Variants in TATDN3 observed in about 807,000 individuals in gnomAD.
The protein encoded by TATDN3 is deoxyribonuclease TATDN3.
Under a neutral mutation model 40.1 loss-of-function variants are expected in TATDN3, and 29 were observed. That is an observed-to-expected ratio of 0.72 (90% CI 0.54 to 0.99). The LOEUF is 0.99. Ranked by LOEUF, TATDN3 falls within the 50% of genes least tolerant of loss-of-function variation. The probability of loss-of-function intolerance (pLI) is 0.00; values close to 1 mark genes in which losing one functional copy is unlikely to be tolerated. For missense variants in TATDN3, 309 were observed against 321.9 expected (o/e 0.96, Z 0.31); for synonymous variants, 105 against 117.0 (o/e 0.90, Z 0.66).
At chr1:212,811,493 G>T (rs1662873209) in intron 8 of TATDN3, among the ~76,000 whole-genome samples, 2 of 151,584 alleles carry the variant, frequency 1.3e-5, no homozygotes, top group Non-Finnish European at 2.9e-5. Context: ...CGAACTCCTG[G>T]TCTCAAGTGA....
At chr1:212,808,617 A>T (rs925395798) in intron 8 of TATDN3, among the ~76,000 whole-genome samples, 2 of 152,228 alleles carry the variant, frequency 1.3e-5, no homozygotes. Context: ...AACTCAATAA[A>T]AAGACAAATA....
chr1:212,792,486 A>AC (rs1419396146), intron 1 of TATDN3, among the ~76,000 whole-genome samples: 1 of 150,944 alleles, frequency 6.6e-6, no homozygotes, highest in Non-Finnish European at 1.5e-5. Context: ...AAAAAAAAAA[A>AC]AAGCCGGTGA....
At chr1:212,814,899 TA>T in intron 9 of TATDN3, 113 bp from the exon 10 acceptor site, 1 of 1,237,966 alleles carries the variant, frequency 8.1e-7, no homozygotes. Context: ...AGAAAAAAAT[TA>T]AAAAGGAGCC....
rs1662249267 is a variant in TATDN3 at position 212,802,817 on chromosome 1, T to C, written c.321+54T>C. Reference sequence around the variant, plus strand: ...TTCTAATTCAGACTTCTATATGATATATGAAAATAATCTTTAGTTCAGTAT... The same window carrying C: ...TTCTAATTCAGACTTCTATATGATACATGAAAATAATCTTTAGTTCAGTAT... On this transcript the variant is annotated intron_variant, in intron 5 of 9. Transcript: ENST00000366974. 4.1e-6 allele frequency: 5 copies of C among 1,227,626 alleles called. No individual in the cohort carries two copies. In the South Asian group the frequency reaches 4.9e-5, roughly 12 times the overall value. 76.0% of individuals were successfully genotyped at this position (1,227,626 alleles called of 1,614,324 possible).
At chr1:212,800,212 A>G (rs1295568311) in intron 4 of TATDN3, among the ~76,000 whole-genome samples, 1 of 152,232 alleles carries the variant, frequency 6.6e-6, no homozygotes, top group African/African-American at 2.4e-5. Flanking sequence ...GGGATAAACC[A>G]CAATGAACTG....
intron 5 of TATDN3, 48 bp downstream of exon 5, chr1:212,802,811 A>G (rs1662249003): frequency 7.1e-6 from 9 of 1,259,060 alleles, no homozygotes; most frequent in Non-Finnish European, 8.1e-6. Flanking sequence ...AGACTTCTAT[A>G]TGATATATGA....
At chr1:212,792,411 C>T (rs752091891) in intron 1 of TATDN3, among the ~76,000 whole-genome samples, 8 of 150,634 alleles carry the variant, frequency 5.3e-5, no homozygotes, top group Non-Finnish European at 8.8e-5. Flanking sequence ...GCGGGCGCTG[C>T]GCATCTCCTG....
At chr1:212,811,353 G>A (rs1365353436) in intron 8 of TATDN3, among the ~76,000 whole-genome samples, 4 of 151,956 alleles carry the variant, frequency 2.6e-5, no homozygotes, top group South Asian at 2.1e-4. Flanking sequence ...GGCTGGTCTC[G>A]AACTTCCAAT....
chr1:212,806,835 T>TATATACACATATATAC (rs1571967394), intron 7 of TATDN3, among the ~76,000 whole-genome samples: 1 of 35,590 alleles, frequency 2.8e-5, no homozygotes, highest in African/African-American at 1.0e-4. Context: ...TACATATATA[T>TATATACACATATATAC]ACATATATAC....
chr1:212,807,473 G>C lies in TATDN3; in HGVS notation c.488-263G>C, dbSNP rs569620350. Among the ~76,000 whole-genome samples, 14 of 151,984 alleles carry C rather than the reference G, an allele frequency of 9.2e-5. No homozygotes were observed. The East Asian group carries it at 2.7e-3, about 29-fold the overall frequency. On this transcript the variant is annotated intron_variant, in intron 7 of 9. Transcript: ENST00000366974. ...TCACCATGTTGGCCAGGCTGGTTTC[G>C]AACTCCTGGGCTCAAGTGATCTGCC... is the stretch of plus-strand genomic sequence containing the variant.
chr1:212,811,172 T>A (rs888994295), intron 8 of TATDN3, among the ~76,000 whole-genome samples: 19 of 150,992 alleles, frequency 1.3e-4, no homozygotes, highest in Admixed American at 1.3e-3. Context: ...TTTTTTCCAC[T>A]CTGGCTAGGC....
intron 9 of TATDN3, among the ~76,000 whole-genome samples, chr1:212,813,808 T>G (rs1663035178): frequency 6.6e-6 from 1 of 152,206 alleles, no homozygotes; most frequent in East Asian, 1.9e-4. Context: ...CCTTCTGGAT[T>G]CAAGCAATTC....
intron 7 of TATDN3, among the ~76,000 whole-genome samples, chr1:212,806,603 C>G (rs1330610940): frequency 6.6e-6 from 1 of 150,452 alleles, no homozygotes; most frequent in African/African-American, 2.4e-5. Flanking sequence ...TCTCAAACTC[C>G]TGAGCTCGCT....
intron 8 of TATDN3, among the ~76,000 whole-genome samples, chr1:212,811,060 G>A (rs1276031674): frequency 1.3e-5 from 2 of 152,042 alleles, no homozygotes; most frequent in Non-Finnish European, 2.9e-5. Context: ...TTGTCTCACT[G>A]CAATCTCCGC....
intron 4 of TATDN3, 131 bp from the exon 5 acceptor site, chr1:212,802,570 G>A: frequency 1.5e-6 from 1 of 648,834 alleles, no homozygotes; most frequent in East Asian, 2.7e-5. Flanking sequence ...ACTATTGGTA[G>A]TTTTTTGACT....
chr1:212,798,987 G>A (rs984191612), intron 4 of TATDN3, among the ~76,000 whole-genome samples: 1 of 152,258 alleles, frequency 6.6e-6, no homozygotes. Context: ...CTCTGGTAGT[G>A]ACAATTGAGC....
At position 212,802,744 on chromosome 1, in the gene TATDN3, G is replaced by A. The variant is rs778200176; in HGVS notation, c.302G>A (p.Arg101Gln). 20 of 1,612,700 alleles carry A rather than the reference G, an allele frequency of 1.2e-5. No homozygotes were observed. The highest frequency in any genetic ancestry group is 6.7e-5 in the East Asian group (3 of 44,868). ...ALPIIENYKD[R>Q]LLAIGEVGLD... Reference sequence around the variant, plus strand: ...CCCATTATTGAGAATTATAAGGATCGGTTGTTGGCAATTGGAGAGGTAAAC... The same window carrying A: ...CCCATTATTGAGAATTATAAGGATCAGTTGTTGGCAATTGGAGAGGTAAAC... The change falls in exon 5 of 10, where the codon CGG becomes CAG. Residue 101 changes from arginine to glutamine, a missense_variant. Transcript: ENST00000366974.
rs749027271 is a variant in TATDN3, at chr1:212,791,936, C to T, written c.15C>T (p.Gly5=). 1 of 1,613,152 alleles carries T rather than the reference C, an allele frequency of 6.2e-7. No individual in the cohort carries two copies. The highest frequency in any genetic ancestry group is 8.5e-7 in the Non-Finnish European group (1 of 1,179,800). ...GCCGGGGCGCAATGCGAGCGGCTGG[C>T]GTAGGCTTGGTGGACTGTCACTGCC... MRAA[G]VGLVDCHCHL... Residue 5 remains glycine (G), a synonymous_variant, in exon 1 of 10, where the codon GGC becomes GGT. Transcript: ENST00000366974.
intron 7 of TATDN3, among the ~76,000 whole-genome samples, chr1:212,807,101 G>A (rs761778949): frequency 9.9e-5 from 15 of 151,070 alleles, no homozygotes; most frequent in Non-Finnish European, 1.6e-4. Flanking sequence ...CTGCCACTAC[G>A]CCCAGCTAAT....
Sources: allele counts gnomAD v4.1 joint callset (sites outside exome capture counted in the v4.1 genomes callset), GRCh38; gene constraint gnomAD v4.1.1; transcripts MANE v1.5; gene names NCBI Gene and HGNC (gene_info 2026-07-23, HGNC 2026-07-21).